The following PLCG2 variants were observed in gnomAD, a reference collection of about 807,000 sequenced individuals.
The protein encoded by PLCG2 is 1-phosphatidylinositol 4,5-bisphosphate phosphodiesterase gamma-2.
In PLCG2, 69 loss-of-function variants were observed where a neutral mutation model predicts 175.6. The observed-to-expected ratio is 0.39, with a 90% CI of 0.32 to 0.48. The LOEUF (loss-of-function observed/expected upper bound fraction) is 0.48, where lower values mean the gene tolerates loss of function less well. Ranked by LOEUF, PLCG2 falls within the 20% of genes least tolerant of loss-of-function variation. The probability of loss-of-function intolerance (pLI) is 0.91; values close to 1 mark genes in which losing one functional copy is unlikely to be tolerated. For synonymous variants in PLCG2, 827 were observed against 624.0 expected, an observed-to-expected ratio of 1.33 and a Z score of -4.85; for missense variants, 1,798 against 1,650.9, an observed-to-expected ratio of 1.09 and a Z score of -1.54.
intron 2 of PLCG2, among the ~76,000 whole-genome samples, chr16:81,846,135 C>T (rs1165577842): frequency 6.6e-6 from 1 of 152,184 alleles, no homozygotes; most frequent in Non-Finnish European, 1.5e-5. Flanking sequence ...TCACAGGTGC[C>T]CCTTCTTCAG....
Position 81,927,399 on chromosome 16 carries a change from G to C in PLCG2, c.2514+221G>C, listed in dbSNP as rs139989281. Among the ~76,000 whole-genome samples the C allele has an allele frequency of 6.5e-3, 990 of 152,306 alleles. 11 individuals are homozygous for C. The highest frequency in any genetic ancestry group is 0.023 in the African/African-American group (954 of 41,554). On this transcript the variant is annotated intron_variant, in intron 23 of 32. Coordinates refer to ENST00000564138, the MANE Select transcript of PLCG2 (RefSeq NM_002661.5). ...GGCCGTGTTTTAATCAGGTTGTGTT[G>C]GGCTTGGAAGGATTTCATTATGCAG...
chr16:81,753,552 G>T (rs140295808), intron 1 of PLCG2, among the ~76,000 whole-genome samples: 2 of 151,992 alleles, frequency 1.3e-5, no homozygotes. Context: ...ATTAGTAGCT[G>T]GGATTATAGG....
chr16:81,936,473 C>T (rs1296929322), intron 27 of PLCG2, 95 bp downstream of exon 27: 11 of 951,542 alleles, frequency 1.2e-5, no homozygotes, highest in Non-Finnish European at 1.9e-5. Context: ...CATGTGGTGT[C>T]CAAGAATGAG....
At chr16:81,938,625 A>G (rs1185161837) in intron 28 of PLCG2, 176 bp from the exon 29 acceptor site, 2 of 592,520 alleles carry the variant, frequency 3.4e-6, no homozygotes, top group South Asian at 2.0e-5. Context: ...TGTGGGATCT[A>G]CCACAGTCCA....
intron 2 of PLCG2, among the ~76,000 whole-genome samples, chr16:81,835,744 G>C (rs71400177): frequency 6.6e-6 from 1 of 152,302 alleles, no homozygotes; most frequent in Admixed American, 6.5e-5. Context: ...GTGGAGCTTA[G>C]AAGTCTGAAA....
At chr16:81,866,194 A>G (rs1453544429) in intron 5 of PLCG2, among the ~76,000 whole-genome samples, 211 of 47,248 alleles carry the variant, frequency 4.5e-3, no homozygotes, top group East Asian at 5.0e-3. Context: ...TCCCAGGATG[A>G]GCTCCACTGG....
intron 2 of PLCG2, among the ~76,000 whole-genome samples, chr16:81,768,021 C>G (rs994945792): frequency 2.0e-5 from 3 of 152,186 alleles, no homozygotes; most frequent in African/African-American, 7.2e-5. Context: ...TCCTGAGTAG[C>G]TGGGATTACA....
intron 2 of PLCG2, among the ~76,000 whole-genome samples, chr16:81,792,700 T>C (rs572104793): frequency 1.3e-5 from 2 of 152,146 alleles, no homozygotes; most frequent in African/African-American, 4.8e-5. Context: ...GGGAAGCCTC[T>C]TGTAAAACTA....
intron 2 of PLCG2, among the ~76,000 whole-genome samples, chr16:81,800,805 C>G (rs1211484431): frequency 6.6e-6 from 1 of 152,094 alleles, no homozygotes; most frequent in Non-Finnish European, 1.5e-5. Flanking sequence ...ATGCTCCTTG[C>G]AGATTGAACA....
intron 9 of PLCG2, 109 bp downstream of exon 9, chr16:81,883,450 C>CCACCTGTGCTCACCTGGT (rs1908193637): frequency 1.2e-6 from 1 of 819,060 alleles, no homozygotes; most frequent in Non-Finnish European, 2.0e-6. Context: ...GCTCACCTGG[C>CCACCTGTGCTCACCTGGT]CACCTGTGCT....
In PLCG2 at chr16:81,910,648, A is replaced by G. The variant is rs1303101447; in HGVS notation, c.1862A>G (p.His621Arg). The G allele has an allele frequency of 3.7e-6, 6 of 1,613,920 alleles. No homozygotes were observed. Among genetic ancestry groups the G allele is most frequent in the Non-Finnish European group, 4.2e-6 (5 of 1,179,992 alleles). Residue 621 changes from histidine (H) to arginine (R), a missense_variant, in exon 18 of 33, where the codon CAC (histidine) becomes CGC (arginine). Physicochemically the swap from His to Arg is conservative, Grantham distance 29 (BLOSUM62 0). Transcript: ENST00000564138. ...YALIQHYRET[H>R]LRCAEFELRL... ...CTCATCCAGCACTACCGCGAGACGC[A>G]CCTGCGCTGCGCCGAGTTCGAGCTG...
chr16:81,895,294 C>T (rs1013079448), intron 12 of PLCG2, among the ~76,000 whole-genome samples: 1 of 152,204 alleles, frequency 6.6e-6, no homozygotes, highest in African/African-American at 2.4e-5. Flanking sequence ...GGCGTGGTGG[C>T]TCACGCCTGT....
chr16:81,853,971 T>C (rs773595398), intron 2 of PLCG2, among the ~76,000 whole-genome samples: 4 of 152,168 alleles, frequency 2.6e-5, no homozygotes, highest in Non-Finnish European at 5.9e-5. Flanking sequence ...CCCCCTTTAA[T>C]TGAGCCACAG....
At position 81,928,624 on chromosome 16, in the gene PLCG2, G is replaced by A. The variant is rs559219743; in HGVS notation, c.2581G>A (p.Val861Met). 7 of 1,594,318 alleles carry A rather than the reference G, an allele frequency of 4.4e-6. No individual in the cohort carries two copies. The highest frequency in any genetic ancestry group is 1.7e-5 in the Admixed American group (1 of 59,994). The stretch of plus-strand genomic sequence containing the variant: ...ATTGGACCTCAATACCTATAACGTC[G>A]GTACGTGCACACATCATCTTAGCCT... ...GILDLNTYNV[V>M]KAPQGKNQKS... The change falls in exon 24 of 33, where the codon GTG (valine) becomes ATG (methionine). Residue 861 changes from valine to methionine, a missense_variant and splice_region_variant. Physicochemically the swap from Val to Met is conservative, Grantham distance 21. Transcript: ENST00000564138.
intron 2 of PLCG2, among the ~76,000 whole-genome samples, chr16:81,772,372 C>G (rs1460806989): frequency 2.0e-5 from 3 of 152,144 alleles, no homozygotes; most frequent in African/African-American, 7.2e-5. Flanking sequence ...TGGCACCTTG[C>G]ATTCAGACTT....
intron 15 of PLCG2, chr16:81,906,264 C>T (rs946055084): frequency 2.0e-5 from 3 of 152,134 alleles, no homozygotes; most frequent in Admixed American, 6.5e-5. Flanking sequence ...CTGACTCCTT[C>T]GTGTCCTCCA....
chr16:81,838,778 AATAT>A (rs10549962), intron 2 of PLCG2, among the ~76,000 whole-genome samples: 51,265 of 141,204 alleles, frequency 0.36, 9,794 homozygotes, highest in East Asian at 0.52. Context: ...AGTAAAATTA[AATAT>A]ATATATATAT....
chr16:81,903,093 A>G (rs1382020278), intron 14 of PLCG2, among the ~76,000 whole-genome samples: 2 of 152,160 alleles, frequency 1.3e-5, no homozygotes, highest in Non-Finnish European at 2.9e-5. Context: ...ATCTCCAAAT[A>G]CCATTACATT....
At chr16:81,871,993 G>A (rs1022061607) in intron 7 of PLCG2, among the ~76,000 whole-genome samples, 3 of 152,178 alleles carry the variant, frequency 2.0e-5, no homozygotes, top group Non-Finnish European at 1.5e-5. Flanking sequence ...AAAGCCAGCA[G>A]CAGATTTACA....
Sources: allele counts gnomAD v4.1 joint callset (sites outside exome capture counted in the v4.1 genomes callset), GRCh38; gene constraint gnomAD v4.1.1; transcripts MANE v1.5; gene names NCBI Gene and HGNC (gene_info 2026-07-23, HGNC 2026-07-21).